The following FRY variants were observed in gnomAD, a reference collection of about 807,000 sequenced individuals.
FRY encodes the protein FRY microtubule binding protein.
In FRY, 128 loss-of-function variants were observed where a neutral mutation model predicts 348.4. The observed-to-expected ratio is 0.37, with a 90% CI of 0.32 to 0.43. FRY has a LOEUF of 0.43. FRY is among the 20% of genes least tolerant of loss of function. FRY has a pLI of 1.00. For missense variants in FRY, 2,736 were observed against 3,695.2 expected, an observed-to-expected ratio of 0.74 and a Z score of 6.73; for synonymous variants, 1,370 against 1,374.7, an observed-to-expected ratio of 1.00 and a Z score of 0.08.
intron 31 of FRY, among the ~76,000 whole-genome samples, chr13:32,206,231 C>T (rs1884341589): frequency 6.6e-6 from 1 of 152,112 alleles, no homozygotes; most frequent in Admixed American, 6.5e-5. Flanking sequence ...TGGACACCCC[C>T]ACTTTTGCAG....
intron 7 of FRY, among the ~76,000 whole-genome samples, chr13:32,130,239 C>T (rs1054173501): frequency 1.3e-5 from 2 of 151,936 alleles, no homozygotes; most frequent in Non-Finnish European, 2.9e-5. Flanking sequence ...CCGGGTTTCA[C>T]CATGTTGGTC....
rs543235636 is a variant in FRY at position 32,231,414 on chromosome 13, C to T, written c.5527+114C>T. On this transcript the variant is annotated intron_variant, in intron 41 of 60. Coordinates refer to ENST00000542859, the MANE Select transcript of FRY (RefSeq NM_023037.3). Reference sequence around the variant, plus strand: ...GGTCCTGCACTCCACATCCATAGCACGAGCATATTCACAGGGGAGTTCTGA... The same window carrying T: ...GGTCCTGCACTCCACATCCATAGCATGAGCATATTCACAGGGGAGTTCTGA... 190 of 1,003,150 alleles carry T rather than the reference C, an allele frequency of 1.9e-4. 2 individuals carry two copies. The South Asian group carries it at 2.3e-3, about 12-fold the overall frequency. 62.1% of individuals were successfully genotyped at this position (1,003,150 alleles called of 1,614,324 possible).
At chr13:32,129,715 G>A (rs763277243) in intron 7 of FRY, among the ~76,000 whole-genome samples, 1 of 152,070 alleles carries the variant, frequency 6.6e-6, no homozygotes, top group African/African-American at 2.4e-5. Flanking sequence ...TATATTTTCT[G>A]CTCTATTGCC....
intron 46 of FRY, among the ~76,000 whole-genome samples, chr13:32,242,321 G>A (rs537534787): frequency 3.3e-5 from 5 of 152,028 alleles, no homozygotes; most frequent in Non-Finnish European, 7.4e-5. Context: ...CGAGAAGTTG[G>A]TCTTCATAAA....
chr13:32,249,799 C>A, intron 49 of FRY, 112 bp downstream of exon 49: 1 of 887,006 alleles, frequency 1.1e-6, no homozygotes, highest in Non-Finnish European at 1.8e-6. Flanking sequence ...CCATATAGGT[C>A]TCAGCACTTC....
chr13:32,269,845 G>A (rs545908527), intron 55 of FRY, among the ~76,000 whole-genome samples: 5 of 152,278 alleles, frequency 3.3e-5, no homozygotes, highest in South Asian at 2.1e-4. Context: ...GAGCCTGGAG[G>A]CCCTTCTTAT....
At chr13:32,157,620 G>A (rs948888192) in intron 16 of FRY, among the ~76,000 whole-genome samples, 1 of 152,068 alleles carries the variant, frequency 6.6e-6, no homozygotes, top group African/African-American at 2.4e-5. Flanking sequence ...AGTATCACTA[G>A]GTCAGTAAGT....
intron 7 of FRY, among the ~76,000 whole-genome samples, chr13:32,128,505 A>G (rs1203084897): frequency 2.0e-5 from 3 of 152,174 alleles, no homozygotes; most frequent in Non-Finnish European, 4.4e-5. Flanking sequence ...CTTCCTAATT[A>G]AACTATAAAC....
intron 17 of FRY, among the ~76,000 whole-genome samples, chr13:32,168,315 T>C (rs561035602): frequency 4.9e-4 from 74 of 152,336 alleles, no homozygotes; most frequent in African/African-American, 1.7e-3. Context: ...CAATCTTTTG[T>C]TCTAGTCAGT....
chr13:32,073,894 A>G (rs1874836588), intron 1 of FRY, among the ~76,000 whole-genome samples: 1 of 152,182 alleles, frequency 6.6e-6, no homozygotes, highest in Admixed American at 6.5e-5. Context: ...TAGCTGAACT[A>G]TGAGCTGTGG....
At chr13:32,062,292 A>G (rs555966357) in intron 1 of FRY, among the ~76,000 whole-genome samples, 1 of 151,984 alleles carries the variant, frequency 6.6e-6, no homozygotes, top group Non-Finnish European at 1.5e-5. Flanking sequence ...ATGAAATGCT[A>G]AATATTTCTA....
At chr13:32,224,487 C>A in intron 37 of FRY, 102 bp downstream of exon 37, 1 of 1,059,438 alleles carries the variant, frequency 9.4e-7, no homozygotes, top group South Asian at 1.5e-5. Context: ...ATTAAATTAT[C>A]TTATCAATCA....
chr13:32,192,280 G>GT (rs1566122073), intron 28 of FRY, among the ~76,000 whole-genome samples: 3 of 150,866 alleles, frequency 2.0e-5, no homozygotes, highest in African/African-American at 7.3e-5. Context: ...TTTTTGTTTT[G>GT]TTTGTTTGTT....
intron 7 of FRY, among the ~76,000 whole-genome samples, chr13:32,126,116 A>C (rs1879002343): frequency 6.6e-6 from 1 of 152,246 alleles, no homozygotes; most frequent in South Asian, 2.1e-4. Flanking sequence ...TAGCATTTTA[A>C]ATGGACAAGC....
At chr13:32,081,191 T>A (rs577313694) in intron 2 of FRY, among the ~76,000 whole-genome samples, 10 of 152,188 alleles carry the variant, frequency 6.6e-5, no homozygotes, top group East Asian at 5.8e-4. Context: ...AAGAAAAAAA[T>A]TTTTAAGTGT....
rs1593757713 is a variant in FRY at position 32,218,821 on chromosome 13, T to A, written c.4755T>A (p.Asp1585Glu). 3 of 1,595,268 alleles carry A rather than the reference T, an allele frequency of 1.9e-6. No homozygotes were observed. The highest frequency in any genetic ancestry group is 1.7e-4 in the Middle Eastern group (1 of 6,040). ...RYSNSSGGSY[D>E]EDKNDPISPY... ...GCAATAGCTCTGGAGGATCCTACGA[T>A]GAAGATAAAAGTAAGTACCAACAGG... The change falls in exon 36 of 61, where the codon GAT (aspartate) becomes GAA (glutamate). Residue 1585 changes from aspartate (D) to glutamate (E), a missense_variant. Physicochemically the swap from Asp to Glu is conservative, Grantham distance 45. Coordinates refer to ENST00000542859, the MANE Select transcript of FRY (RefSeq NM_023037.3).
In FRY at chr13:32,128,976, C is replaced by A. The variant is rs563315998; in HGVS notation, c.717-2696C>A. On this transcript the variant is annotated intron_variant, in intron 7 of 60. Coordinates refer to ENST00000542859, the MANE Select transcript of FRY (RefSeq NM_023037.3). ...TTTCCCACAGTTCTGGAGTTGAAGT[C>A]CAAGCTCAAGGTGTTAGCAGGGTTG... is the stretch of plus-strand genomic sequence containing the variant. Among the ~76,000 whole-genome samples the A allele has an allele frequency of 3.3e-5, 5 of 152,256 alleles. No individual in the cohort carries two copies. In the South Asian group the frequency reaches 1.0e-3, roughly 32 times the overall value.
intron 35 of FRY, among the ~76,000 whole-genome samples, chr13:32,216,961 C>T (rs371324419): frequency 1.3e-5 from 2 of 152,298 alleles, no homozygotes; most frequent in South Asian, 4.1e-4. Flanking sequence ...CATTACAGTA[C>T]ATTTCTGTAA....
chr13:32,221,407 G>T (rs1251935835), intron 36 of FRY, among the ~76,000 whole-genome samples: 1 of 152,228 alleles, frequency 6.6e-6, no homozygotes, highest in Admixed American at 6.5e-5. Context: ...AAATACCTGG[G>T]TTAAATCCTG....
Sources: allele counts gnomAD v4.1 joint callset (sites outside exome capture counted in the v4.1 genomes callset), GRCh38; gene constraint gnomAD v4.1.1; transcripts MANE v1.5; gene names NCBI Gene and HGNC (gene_info 2026-07-23, HGNC 2026-07-21).